Variants in USP46 observed in about 807,000 individuals in gnomAD.
The protein encoded by USP46 is ubiquitin carboxyl-terminal hydrolase 46.
USP46 carries 12 observed loss-of-function variants against 44.4 expected under a neutral mutation model. The ratio of observed to expected loss-of-function variants is 0.27; its 90% CI spans 0.17 to 0.44. USP46 has a LOEUF of 0.44. Among genes scored for constraint, USP46 ranks in the 20% least tolerant of loss-of-function variants. USP46 has a pLI of 1.00. For missense variants in USP46, 248 were observed against 444.8 expected (o/e 0.56, Z 3.98); for synonymous variants, 155 against 161.5 (o/e 0.96, Z 0.31).
chr4:52,657,107 C>T (rs943874626), intron 1 of USP46, among the ~76,000 whole-genome samples: 10 of 149,308 alleles, frequency 6.7e-5, no homozygotes, highest in African/African-American at 2.0e-4. Flanking sequence ...AGAACCCAAA[C>T]TCTGTCACTC....
chr4:52,592,565 C>A lies in USP46; in HGVS notation c.*5075G>T. 1 of 241,736 alleles carries A rather than the reference C, an allele frequency of 4.1e-6. No individual in the cohort carries two copies. Among genetic ancestry groups the A allele is most frequent in the Non-Finnish European group, 7.9e-6 (1 of 127,162 alleles). 15.0% of individuals were successfully genotyped at this position (241,736 alleles called of 1,614,324 possible). A position where few individuals can be genotyped will look rare whatever the true frequency, so the allele number is the denominator to read the frequency against. ...CTGGTTGTTTAAAAGTGTGTAACCC[C>A]AGCCGAGCAAGGTGGCTCTTGCCTG... On this transcript the variant is annotated 3_prime_UTR_variant, in exon 9 of 9. Coordinates refer to ENST00000441222, the MANE Select transcript of USP46 (RefSeq NM_022832.4).
chr4:52,635,971 G>T (rs547861596), intron 1 of USP46, among the ~76,000 whole-genome samples: 2 of 152,060 alleles, frequency 1.3e-5, no homozygotes, highest in Non-Finnish European at 1.5e-5. Context: ...TTTTCACATC[G>T]ATGTATATAG....
intron 1 of USP46, among the ~76,000 whole-genome samples, chr4:52,650,716 T>C (rs1012193931): frequency 6.6e-6 from 1 of 152,218 alleles, no homozygotes. Context: ...TTTTAAAAGC[T>C]TCACAGGTGA....
chr4:52,626,173 G>C lies in USP46; in HGVS notation c.406C>G (p.Leu136Val). 6.2e-7 allele frequency: 1 copy of C among 1,613,846 alleles called. No individual in the cohort carries two copies. Among genetic ancestry groups the C allele is most frequent in the Non-Finnish European group, 8.5e-7 (1 of 1,179,834 alleles). Residue 136 changes from leucine to valine, a missense_variant, in exon 4 of 9, where the codon CTT becomes GTT. Physicochemically the swap from Leu to Val is conservative, Grantham distance 32. Around this residue, in one of 5 missense-constraint regions of USP46, gnomAD observed 54 missense variants for 135.0 expected, o/e 0.40. Transcript: ENST00000441222. ...TTTTCCTGTTTCTTCTCCTCCTGAAGGATGTCCGCAATAGTGTTTAGCAAA... is the reference window on the plus strand; with the variant it reads ...TTTTCCTGTTTCTTCTCCTCCTGAACGATGTCCGCAATAGTGTTTAGCAAA... ...NYLLNTIADILQEEKKQEKQN... is the reference protein window; with the variant it reads ...NYLLNTIADIVQEEKKQEKQN...
chr4:52,651,372 A>G (rs1718766212), intron 1 of USP46, among the ~76,000 whole-genome samples: 1 of 151,790 alleles, frequency 6.6e-6, no homozygotes, highest in Non-Finnish European at 1.5e-5. Flanking sequence ...ACTTAATCAA[A>G]CTCTCTGGGT....
intron 1 of USP46, among the ~76,000 whole-genome samples, chr4:52,638,036 C>T (rs765379379): frequency 1.3e-5 from 2 of 152,204 alleles, no homozygotes; most frequent in Non-Finnish European, 2.9e-5. Flanking sequence ...AATACTGCCC[C>T]TCCCAAAGGT....
rs976941625 is a variant in USP46 at position 52,659,179 on chromosome 4, C to T, written c.-29G>A. 1.9e-6 allele frequency: 3 copies of T among 1,541,918 alleles called. No individual in the cohort carries two copies. The African/African-American group carries it at 4.2e-5, about 22-fold the overall frequency. On this transcript the variant is annotated 5_prime_UTR_variant, in exon 1 of 9. Transcript: ENST00000441222. This position sits in a 1 kb window ranked among gnomAD's most constrained non-coding sequence, Gnocchi z 4.2. ...TCTAAAGGTTGCAGCGATCCCTCAC[C>T]GCCATCTTTACAAGGGGAAACCGGG...
chr4:52,598,748 T>C, intron 7 of USP46, 42 bp from the exon 8 acceptor site: 2 of 1,538,222 alleles, frequency 1.3e-6, no homozygotes, highest in Non-Finnish European at 1.8e-6. Flanking sequence ...AGTTAACATT[T>C]ATCTCTTTAT....
chr4:52,610,704 A>G (rs1419854866), intron 4 of USP46, 87 bp from the exon 5 acceptor site: 22 of 1,248,626 alleles, frequency 1.8e-5, no homozygotes, highest in Non-Finnish European at 2.3e-5. Flanking sequence ...ACCGACTGCA[A>G]TAAAAACCAT....
In USP46 at chr4:52,596,313, G is replaced by T. The variant is rs1028393051; in HGVS notation, c.*1327C>A. The T allele has an allele frequency of 5.2e-5, 8 of 152,620 alleles. No homozygotes were observed. Among genetic ancestry groups the T allele is most frequent in the African/African-American group, 1.9e-4 (8 of 41,446 alleles). The allele number at this position is 152,620 out of a possible 1,614,324, so 9.5% of individuals were successfully genotyped here. On this transcript the variant is annotated 3_prime_UTR_variant, in exon 9 of 9. Coordinates refer to ENST00000441222, the MANE Select transcript of USP46 (RefSeq NM_022832.4). ...GGAAGTTAAGTGGCTTCTAAAGGAA[G>T]CCAAGATCTATGACTCAAAAACCAG...
rs1716286483 is a variant in USP46, at chr4:52,597,405, T to C, written c.*235A>G. The C allele has an allele frequency of 4.7e-6, 2 of 428,772 alleles. No individual in the cohort carries two copies. The highest frequency in any genetic ancestry group is 8.3e-6 in the Non-Finnish European group (2 of 241,856). 26.6% of individuals were successfully genotyped at this position (428,772 alleles called of 1,614,324 possible). ...CCAGTCCTAAAATTAGCAACCGTTA[T>C]TCATATAAATCAGACTACAATCTGA... On this transcript the variant is annotated 3_prime_UTR_variant, in exon 9 of 9. Coordinates refer to ENST00000441222, the MANE Select transcript of USP46 (RefSeq NM_022832.4).
At chr4:52,636,705 CAAAAAAAAAAA>C (rs1182691689) in intron 1 of USP46, among the ~76,000 whole-genome samples, 4 of 36,148 alleles carry the variant, frequency 1.1e-4, no homozygotes, top group African/African-American at 3.1e-4. Flanking sequence ...GACTCTGTCT[CAAAAAAAAAAA>C]AAAAAAAAAA....
At chr4:52,621,363 T>C (rs951434698) in intron 4 of USP46, among the ~76,000 whole-genome samples, 4 of 152,144 alleles carry the variant, frequency 2.6e-5, no homozygotes, top group Admixed American at 2.0e-4. Context: ...CATTAGAAAC[T>C]CTATTAATGT....
chr4:52,644,334 A>G (rs1392592405), intron 1 of USP46, among the ~76,000 whole-genome samples: 2 of 152,190 alleles, frequency 1.3e-5, no homozygotes, highest in Non-Finnish European at 2.9e-5. Context: ...GAAAGCAATC[A>G]TGAACAAGAA....
intron 1 of USP46, among the ~76,000 whole-genome samples, chr4:52,657,581 G>C (rs965533980): frequency 9.2e-5 from 14 of 152,148 alleles, no homozygotes; most frequent in African/African-American, 3.4e-4. Context: ...AGCTGCTCCC[G>C]ATTCACAGTT....
intron 1 of USP46, among the ~76,000 whole-genome samples, chr4:52,635,479 C>T (rs1427733382): frequency 6.6e-6 from 1 of 152,218 alleles, no homozygotes; most frequent in Admixed American, 6.5e-5. Flanking sequence ...CCATAGTGCT[C>T]ATTTCCAATG....
At chr4:52,608,848 A>G (rs992665467) in intron 5 of USP46, among the ~76,000 whole-genome samples, 26 of 152,184 alleles carry the variant, frequency 1.7e-4, no homozygotes, top group Admixed American at 6.5e-4. Flanking sequence ...AAGACAGAGG[A>G]AAGAGAAGGT....
chr4:52,613,592 G>A (rs1446205461), intron 4 of USP46, among the ~76,000 whole-genome samples: 1 of 151,792 alleles, frequency 6.6e-6, no homozygotes, highest in Non-Finnish European at 1.5e-5. Flanking sequence ...TGCGGTGGCA[G>A]GCGCCTGTAA....
chr4:52,656,654 C>T (rs1208739859), intron 1 of USP46: 10 of 964,926 alleles, frequency 1.0e-5, no homozygotes, highest in East Asian at 6.1e-5. Context: ...GCCCTGTGCC[C>T]GAGTAATACA....
Sources: allele counts gnomAD v4.1 joint callset (sites outside exome capture counted in the v4.1 genomes callset), GRCh38; gene constraint gnomAD v4.1.1; regional missense constraint gnomAD v4.1.1; non-coding constraint Gnocchi (gnomAD v3.1); transcripts MANE v1.5; gene names NCBI Gene and HGNC (gene_info 2026-07-23, HGNC 2026-07-21).